SCD5: variants seen among roughly 807,000 people sequenced by gnomAD.
The protein encoded by SCD5 is stearoyl-CoA desaturase 5, also known as acyl-CoA-desaturase 4.
A neutral mutation model predicts 30.4 loss-of-function variants in SCD5; 20 were observed. The observed-to-expected ratio is 0.66, with a 90% confidence interval of 0.46 to 0.96. The LOEUF (loss-of-function observed/expected upper bound fraction) is 0.96, where lower values mean the gene tolerates loss of function less well. SCD5 is among the 40% of genes least tolerant of loss of function. SCD5 has a pLI of 0.00. For missense variants in SCD5, 381 were observed against 443.3 expected (o/e 0.86, Z 1.26); for synonymous variants, 173 against 176.4 (o/e 0.98, Z 0.16).
chr4:82,706,198 T>G (rs201715180), intron 1 of SCD5, among the ~76,000 whole-genome samples: 1 of 69,032 alleles, frequency 1.4e-5, no homozygotes, highest in Non-Finnish European at 4.6e-5. Context: ...TCTATTAACA[T>G]TTTTTTTTTC....
chr4:82,680,271 C>T (rs1728539589), intron 3 of SCD5, among the ~76,000 whole-genome samples: 1 of 152,136 alleles, frequency 6.6e-6, no homozygotes, highest in Non-Finnish European at 1.5e-5. Flanking sequence ...GCAGAGGTTT[C>T]ACTACAAGAG....
intron 1 of SCD5, among the ~76,000 whole-genome samples, chr4:82,761,193 C>T (rs185576106): frequency 6.6e-6 from 1 of 152,198 alleles, no homozygotes; most frequent in African/African-American, 2.4e-5. Flanking sequence ...CCAAAGCCTT[C>T]CAACTTCAGG....
At chr4:82,707,608 T>C (rs189989322) in intron 1 of SCD5, among the ~76,000 whole-genome samples, 91 of 152,384 alleles carry the variant, frequency 6.0e-4, no homozygotes, top group Admixed American at 2.1e-3. Flanking sequence ...GATTCTCTCT[T>C]GAGCTGGCTT....
chr4:82,741,417 G>T (rs1258673897), intron 1 of SCD5, among the ~76,000 whole-genome samples: 1 of 152,050 alleles, frequency 6.6e-6, no homozygotes, highest in Non-Finnish European at 1.5e-5. Context: ...ACCTACCAGG[G>T]AATGAGAAGC....
At position 82,701,964 on chromosome 4, in the gene SCD5, T is replaced by TA. The variant is rs112775586; in HGVS notation, c.363+3318dup. Among the ~76,000 whole-genome samples, 566 of 151,932 alleles carry TA rather than the reference T, an allele frequency of 3.7e-3. 7 individuals are homozygous for TA. The highest frequency in any genetic ancestry group is 0.013 in the African/African-American group (537 of 41,426). Reference sequence around the variant, plus strand: ...GGTCCATCTTTGACTTGGAGCAAATTATAAGGAAGTTGCAAGCAGTCTTTA... The same window carrying TA: ...GGTCCATCTTTGACTTGGAGCAAATTAATAAGGAAGTTGCAAGCAGTCTTTA... On this transcript the variant is annotated intron_variant, in intron 2 of 4. Transcript: ENST00000319540.
chr4:82,792,656 A>C (rs939194074), intron 1 of SCD5, among the ~76,000 whole-genome samples: 4 of 152,228 alleles, frequency 2.6e-5, no homozygotes, highest in African/African-American at 7.2e-5. Flanking sequence ...CAGGAGGTTG[A>C]GGCTGCAGTG....
intron 1 of SCD5, among the ~76,000 whole-genome samples, chr4:82,740,663 G>C (rs751229846): frequency 6.6e-5 from 10 of 152,200 alleles, no homozygotes; most frequent in Non-Finnish European, 1.5e-4. Context: ...ATCCCCTGCA[G>C]TGCTTTTCCA....
chr4:82,746,173 T>G (rs1288537829), intron 1 of SCD5, among the ~76,000 whole-genome samples: 1 of 152,186 alleles, frequency 6.6e-6, no homozygotes, highest in Non-Finnish European at 1.5e-5. Flanking sequence ...TGCTGAGCAG[T>G]ACCGGAGAGA....
intron 1 of SCD5, among the ~76,000 whole-genome samples, chr4:82,754,215 C>A (rs371165465): frequency 1.3e-5 from 2 of 151,972 alleles, no homozygotes; most frequent in East Asian, 3.9e-4. Context: ...AGCGGGAAAT[C>A]AGAAGAGAAA....
At chr4:82,784,726 G>C (rs1247040942) in intron 1 of SCD5, among the ~76,000 whole-genome samples, 1 of 152,102 alleles carries the variant, frequency 6.6e-6, no homozygotes, top group African/African-American at 2.4e-5. Context: ...CTAGAACCGT[G>C]AAAGGGATAG....
intron 1 of SCD5, among the ~76,000 whole-genome samples, chr4:82,711,192 C>T (rs1315443781): frequency 1.3e-5 from 2 of 151,942 alleles, no homozygotes; most frequent in African/African-American, 4.8e-5. Context: ...ATCCCCCCCC[C>T]GATAACCCAC....
intron 1 of SCD5, among the ~76,000 whole-genome samples, chr4:82,773,186 T>C (rs971289507): frequency 7.9e-5 from 12 of 152,178 alleles, no homozygotes; most frequent in African/African-American, 1.2e-4. Context: ...TGCAATTGCA[T>C]GTGTCCTCCC....
chr4:82,696,159 C>A (rs1021528218), intron 2 of SCD5, among the ~76,000 whole-genome samples: 6 of 152,244 alleles, frequency 3.9e-5, no homozygotes, highest in East Asian at 3.9e-4. Flanking sequence ...AATGCTTCTG[C>A]CTTCTGAAAG....
At chr4:82,678,052 G>C (rs1728472976) in intron 3 of SCD5, among the ~76,000 whole-genome samples, 1 of 151,924 alleles carries the variant, frequency 6.6e-6, no homozygotes, top group Non-Finnish European at 1.5e-5. Context: ...TAATCATTCT[G>C]GGGCTAGACC....
chr4:82,739,260 T>C (rs2148838294), intron 1 of SCD5, among the ~76,000 whole-genome samples: 1 of 152,280 alleles, frequency 6.6e-6, no homozygotes, highest in Non-Finnish European at 1.5e-5. Context: ...AGTGGGGATG[T>C]GAAAGGTGGA....
At chr4:82,746,818 C>A (rs1207821625) in intron 1 of SCD5, among the ~76,000 whole-genome samples, 1 of 152,058 alleles carries the variant, frequency 6.6e-6, no homozygotes, top group Non-Finnish European at 1.5e-5. Context: ...TGGTCCTGCG[C>A]CCATGGACCC....
intron 1 of SCD5, among the ~76,000 whole-genome samples, chr4:82,783,703 T>C (rs1403062275): frequency 1.3e-5 from 2 of 151,292 alleles, no homozygotes; most frequent in Non-Finnish European, 2.9e-5. Context: ...CTTGGCAGGC[T>C]GAGGCAGGAG....
chr4:82,704,933 G>A (rs1487087675), intron 2 of SCD5, among the ~76,000 whole-genome samples: 2 of 152,174 alleles, frequency 1.3e-5, no homozygotes, highest in Non-Finnish European at 2.9e-5. Flanking sequence ...GCTACTATGC[G>A]GATCAAATAC....
chr4:82,665,722 C>G (rs1033248769), intron 3 of SCD5, among the ~76,000 whole-genome samples: 1 of 151,940 alleles, frequency 6.6e-6, no homozygotes, highest in African/African-American at 2.4e-5. Flanking sequence ...AGGAAGATAT[C>G]AAGTGGAAAT....
Sources: allele counts gnomAD v4.1 joint callset (sites outside exome capture counted in the v4.1 genomes callset), GRCh38; gene constraint gnomAD v4.1.1; transcripts MANE v1.5; gene names NCBI Gene and HGNC (gene_info 2026-07-23, HGNC 2026-07-21).